Variants in GALNT18 observed in about 807,000 individuals in gnomAD.
The protein encoded by GALNT18 is GalNAc-transferase 18.
GALNT18 carries 44 observed loss-of-function variants against 69.5 expected under a neutral mutation model. The ratio of observed to expected loss-of-function variants is 0.63; its 90% CI spans 0.50 to 0.81. GALNT18 has a LOEUF of 0.81. Among genes scored for constraint, GALNT18 ranks in the 40% least tolerant of loss-of-function variants. GALNT18 has a pLI of 0.00. For synonymous variants in GALNT18, 364 were observed against 318.2 expected (o/e 1.14, Z -1.53); for missense variants, 715 against 810.0 (o/e 0.88, Z 1.42).
intron 1 of GALNT18, among the ~76,000 whole-genome samples, chr11:11,456,347 CTTG>C (rs919776743): frequency 6.6e-6 from 1 of 152,202 alleles, no homozygotes; most frequent in African/African-American, 2.4e-5. Context: ...TGCACCAAGA[CTTG>C]TTGTCTGACT....
In GALNT18 at chr11:11,511,523, C is replaced by T. The variant is rs1036106222; in HGVS notation, c.236-62587G>A. On this transcript the variant is annotated intron_variant, in intron 1 of 10. Transcript: ENST00000227756. This position sits in a 1 kb window ranked among gnomAD's most constrained non-coding sequence, Gnocchi z 4.9. ...TGGTTCTTTACTTCTGAGCCACTCA[C>T]CCCTCAGAAAATCTGAGAAAAGGCT... Among the ~76,000 whole-genome samples the T allele has an allele frequency of 9.8e-5, 15 of 152,332 alleles. No individual in the cohort carries two copies. Among genetic ancestry groups the T allele is most frequent in the Admixed American group, 9.1e-4 (14 of 15,304 alleles).
rs1253185996 is a variant in GALNT18, at chr11:11,383,345, C to T, written c.596-4081G>A. Among the ~76,000 whole-genome samples the T allele has an allele frequency of 1.3e-5, 2 of 152,164 alleles. No homozygotes were observed. Among genetic ancestry groups the T allele is most frequent in the East Asian group, 1.9e-4 (1 of 5,200 alleles). ...CTCCACAACCACTAGCAGGCTGAGC[C>T]GGAAGGGTCTGGCATGGAGGCTGTT... On this transcript the variant is annotated intron_variant, in intron 3 of 10. Coordinates refer to ENST00000227756, the MANE Select transcript of GALNT18 (RefSeq NM_198516.3). This position sits in a 1 kb window ranked among gnomAD's most constrained non-coding sequence, Gnocchi z 5.2.
chr11:11,382,391 T>C lies in GALNT18; in HGVS notation c.596-3127A>G, dbSNP rs1853942741. Among the ~76,000 whole-genome samples the C allele has an allele frequency of 6.6e-6, 1 of 152,260 alleles. No homozygotes were observed. The highest frequency in any genetic ancestry group is 1.5e-5 in the Non-Finnish European group (1 of 68,046). On this transcript the variant is annotated intron_variant, in intron 3 of 10. Coordinates refer to ENST00000227756, the MANE Select transcript of GALNT18 (RefSeq NM_198516.3). The surrounding 1 kb of genome is among the most constrained non-coding windows in gnomAD (Gnocchi z 4.3). ...AACTATCCCAAAAATACTTCTGCGTTGGCTGGAAAATTGCTTTCCAAAACA... is the reference window on the plus strand; with the variant it reads ...AACTATCCCAAAAATACTTCTGCGTCGGCTGGAAAATTGCTTTCCAAAACA...
chr11:11,400,935 GA>G (rs1854449345), intron 3 of GALNT18, among the ~76,000 whole-genome samples: 1 of 152,142 alleles, frequency 6.6e-6, no homozygotes, highest in South Asian at 2.1e-4. Flanking sequence ...TCCCAACTGT[GA>G]AAATTGGTTC....
At chr11:11,482,188 A>C (rs1856545790) in intron 1 of GALNT18, among the ~76,000 whole-genome samples, 1 of 152,200 alleles carries the variant, frequency 6.6e-6, no homozygotes. Context: ...ACTCAGGGTG[A>C]GAAAGAACAT....
At chr11:11,441,833 A>G (rs979390382) in intron 2 of GALNT18, among the ~76,000 whole-genome samples, 1 of 152,194 alleles carries the variant, frequency 6.6e-6, no homozygotes, top group African/African-American at 2.4e-5. Context: ...GTGCAAAAGG[A>G]AAATGCAGTG....
intron 9 of GALNT18, among the ~76,000 whole-genome samples, chr11:11,312,425 T>C (rs533392844): frequency 4.6e-5 from 7 of 152,232 alleles, no homozygotes; most frequent in African/African-American, 1.4e-4. Flanking sequence ...ATCACAAAGA[T>C]GAGAAAAATT....
At chr11:11,291,349 C>G (rs944578091) in intron 10 of GALNT18, among the ~76,000 whole-genome samples, 2 of 152,114 alleles carry the variant, frequency 1.3e-5, no homozygotes, top group Admixed American at 6.5e-5. Context: ...AAATAATGAC[C>G]AACATGAGCA....
rs1855972377 is a variant in GALNT18, at chr11:11,458,590, T to C, written c.236-9654A>G. On this transcript the variant is annotated intron_variant, in intron 1 of 10. Coordinates refer to ENST00000227756, the MANE Select transcript of GALNT18 (RefSeq NM_198516.3). ...CATTAAAAAGCTTGATGCTTGGGCC[T>C]TGCCCGAGAAGCCCAGACCATGTTT... Among the ~76,000 whole-genome samples the C allele has an allele frequency of 2.0e-5, 3 of 152,222 alleles. No homozygotes were observed. The South Asian group carries it at 6.2e-4, about 32-fold the overall frequency.
At chr11:11,410,849 C>A (rs181555883) in intron 3 of GALNT18, among the ~76,000 whole-genome samples, 17 of 152,302 alleles carry the variant, frequency 1.1e-4, no homozygotes, top group Admixed American at 4.6e-4. Flanking sequence ...TTAACCCAAG[C>A]TGTTAGCTGT....
In GALNT18 at chr11:11,470,269, G is replaced by A; in HGVS notation, c.236-21333C>T. Among the ~76,000 whole-genome samples, 1 of 152,186 alleles carries A rather than the reference G, an allele frequency of 6.6e-6. No individual in the cohort carries two copies. The highest frequency in any genetic ancestry group is 1.9e-4 in the East Asian group (1 of 5,194). On this transcript the variant is annotated intron_variant, in intron 1 of 10. Transcript: ENST00000227756. The surrounding 1 kb of genome is among the most constrained non-coding windows in gnomAD (Gnocchi z 4.8). ...CAGGTCTTCAGTCCTCAGGCCCTAAGGTTAAGACCCAGGCACCAAGGGACA... is the reference window on the plus strand; with the variant it reads ...CAGGTCTTCAGTCCTCAGGCCCTAAAGTTAAGACCCAGGCACCAAGGGACA...
At chr11:11,512,667 T>A (rs547992565) in intron 1 of GALNT18, among the ~76,000 whole-genome samples, 13 of 152,296 alleles carry the variant, frequency 8.5e-5, no homozygotes, top group African/African-American at 3.1e-4. Context: ...AGGTTCTTCA[T>A]CCAAATTGGC....
chr11:11,280,425 C>T (rs1351736510), intron 10 of GALNT18, among the ~76,000 whole-genome samples: 1 of 151,894 alleles, frequency 6.6e-6, no homozygotes, highest in Non-Finnish European at 1.5e-5. Context: ...AAGGATCTCA[C>T]CCCCTCCCAA....
intron 9 of GALNT18, among the ~76,000 whole-genome samples, chr11:11,304,269 T>A (rs1251098209): frequency 1.3e-5 from 2 of 152,212 alleles, no homozygotes; most frequent in Non-Finnish European, 1.5e-5. Flanking sequence ...TTTTCTCTAA[T>A]AACATTCACC....
intron 1 of GALNT18, among the ~76,000 whole-genome samples, chr11:11,577,967 G>T (rs942655451): frequency 1.3e-5 from 2 of 150,142 alleles, no homozygotes; most frequent in Non-Finnish European, 1.5e-5. Context: ...GAGAAAGCCA[G>T]CCTCAGCTCC....
chr11:11,403,492 GA>G (rs759770258), intron 3 of GALNT18, among the ~76,000 whole-genome samples: 1 of 152,174 alleles, frequency 6.6e-6, no homozygotes, highest in Non-Finnish European at 1.5e-5. Flanking sequence ...TTCCCTTCTG[GA>G]AACTGAATAC....
intron 9 of GALNT18, among the ~76,000 whole-genome samples, chr11:11,308,429 T>TGA (rs1477096496): frequency 6.6e-6 from 1 of 152,198 alleles, no homozygotes; most frequent in African/African-American, 2.4e-5. Context: ...CGTCCCCAGT[T>TGA]GACCTTCCCT....
intron 2 of GALNT18, among the ~76,000 whole-genome samples, chr11:11,433,870 G>C (rs562048714): frequency 2.0e-4 from 31 of 152,286 alleles, no homozygotes; most frequent in African/African-American, 7.5e-4. Context: ...CAGGCCCTGG[G>C]TTTGGAGAGG....
intron 8 of GALNT18, among the ~76,000 whole-genome samples, chr11:11,331,232 C>T (rs1850012166): frequency 6.6e-6 from 1 of 152,142 alleles, no homozygotes; most frequent in African/African-American, 2.4e-5. Context: ...TGAATTGCAC[C>T]AGCCTGAGAG....
Sources: gnomAD v4.1 joint callset for allele counts (sites outside exome capture counted in the v4.1 genomes callset) on GRCh38, gnomAD v4.1.1 for gene constraint, Gnocchi (gnomAD v3.1) non-coding constraint, MANE v1.5 for transcripts, NCBI Gene and HGNC (gene_info 2026-07-23, HGNC 2026-07-21) for gene names.